The following CDH3 variants were observed in gnomAD, a reference collection of about 807,000 sequenced individuals.
The protein encoded by CDH3 is cadherin 3, also known as cadherin-3.
In CDH3, 54 loss-of-function variants were observed where a neutral mutation model predicts 82.0. That is an observed-to-expected ratio of 0.66 (90% CI 0.53 to 0.83). CDH3 has a LOEUF of 0.83. Among genes scored for constraint, CDH3 ranks in the 40% least tolerant of loss-of-function variants. The pLI, the probability that CDH3 is intolerant of heterozygous loss-of-function variation, is 0.00. For missense variants in CDH3, 1,054 were observed against 1,084.6 expected (o/e 0.97, Z 0.40); for synonymous variants, 446 against 437.9 (o/e 1.02, Z -0.23).
intron 2 of CDH3, chr16:68,651,477 T>C (rs1463640865): frequency 5.8e-6 from 3 of 516,222 alleles, no homozygotes; most frequent in Non-Finnish European, 1.2e-5. Context: ...CTGGCCGGCC[T>C]TCATGGTGTT....
chr16:68,698,271 C>A lies in CDH3; in HGVS notation c.2361C>A (p.Ser787=). The part of the protein sequence containing the change: ...LLVFDYEGSG[S]DAASLSSLTS... ...TGTTCGACTATGAGGGCAGCGGCTC[C>A]GACGCCGCGTCCCTGAGCTCCCTCA... is the stretch of plus-strand genomic sequence containing the variant. Residue 787 remains serine, a synonymous_variant, in exon 16 of 16, where the codon TCC becomes TCA. Transcript: ENST00000264012. The A allele has an allele frequency of 6.2e-7, 1 of 1,614,260 alleles. No individual in the cohort carries two copies. The highest frequency in any genetic ancestry group is 8.5e-7 in the Non-Finnish European group (1 of 1,180,034).
At chr16:68,729,827 G>C (rs532901343), downstream of CDH3, among the ~76,000 whole-genome samples, 99 of 151,926 alleles carry the variant, frequency 6.5e-4, no homozygotes, top group Non-Finnish European at 1.3e-3. Flanking sequence ...TACAGATGGG[G>C]TCTCCCTATG....
In CDH3 at chr16:68,678,712, C is replaced by G. The variant is rs749062682; in HGVS notation, c.547-50C>G. ...TCCCCTCAGAAGTGGGATCCTAGGC[C>G]TGGTGAGGTGGGTGGCACCGGGCTG... is the stretch of plus-strand genomic sequence containing the variant. On this transcript the variant is annotated intron_variant, in intron 5 of 15. Transcript: ENST00000264012. 14 of 1,613,988 alleles carry G rather than the reference C, an allele frequency of 8.7e-6. No homozygotes were observed. In the South Asian group the frequency reaches 1.2e-4, roughly 14 times the overall value.
chr16:68,646,044 CT>C (rs1960049638), intron 2 of CDH3: 1 of 452,914 alleles, frequency 2.2e-6, no homozygotes, highest in African/African-American at 2.0e-5. Flanking sequence ...GTGGGAAGTT[CT>C]CCCCCGCTGG....
At chr16:68,674,466 C>T (rs1960976246) in intron 2 of CDH3, among the ~76,000 whole-genome samples, 1 of 152,066 alleles carries the variant, frequency 6.6e-6, no homozygotes, top group Admixed American at 6.5e-5. Flanking sequence ...GGCATGGTGG[C>T]TCGTATCTGT....
At chr16:68,729,150 C>A (rs184011148), downstream of CDH3, among the ~76,000 whole-genome samples, 1 of 152,142 alleles carries the variant, frequency 6.6e-6, no homozygotes, top group East Asian at 1.9e-4. Flanking sequence ...ACTAAAAATA[C>A]AAAAATTAGC....
At chr16:68,701,156 T>C (rs1961887928), downstream of CDH3, among the ~76,000 whole-genome samples, 1 of 152,024 alleles carries the variant, frequency 6.6e-6, no homozygotes, top group Non-Finnish European at 1.5e-5. Context: ...CCCTGAGATA[T>C]TTGGAGGAAA....
chr16:68,731,387 AAAAAAAAAATATAT>A (rs1424761167), downstream of CDH3, among the ~76,000 whole-genome samples: 4 of 9,122 alleles, frequency 4.4e-4, 1 homozygote, highest in Non-Finnish European at 7.1e-4. Flanking sequence ...AAAAAAAAAA[AAAAAAAAAATATAT>A]ATATATATAT....
At chr16:68,690,433 AC>A (rs1056291649) in intron 12 of CDH3, among the ~76,000 whole-genome samples, 15 of 150,386 alleles carry the variant, frequency 1.0e-4, no homozygotes, top group African/African-American at 3.4e-4. Context: ...CCAGCCTGAC[AC>A]AAAATCCACC....
intron 1 of CDH3, among the ~76,000 whole-genome samples, chr16:68,705,708 C>T (rs1008795645): frequency 2.0e-5 from 3 of 151,486 alleles, no homozygotes; most frequent in South Asian, 4.2e-4. Flanking sequence ...AGGCGTGAGC[C>T]GCCGTGCCCA....
chr16:68,676,568 G>A (rs2152099183), intron 3 of CDH3, 98 bp downstream of exon 3: 2 of 898,794 alleles, frequency 2.2e-6, no homozygotes, highest in Non-Finnish European at 1.8e-6. Context: ...GCCATTGTGA[G>A]CCAAGTCAGC....
chr16:68,687,244 G>A (rs1287204062), intron 11 of CDH3, among the ~76,000 whole-genome samples: 2 of 152,188 alleles, frequency 1.3e-5, no homozygotes, highest in African/African-American at 4.8e-5. Context: ...GACAAACACT[G>A]GAGTAACCCT....
intron 2 of CDH3, among the ~76,000 whole-genome samples, chr16:68,666,914 C>A (rs1050825283): frequency 6.6e-6 from 1 of 151,540 alleles, no homozygotes; most frequent in Non-Finnish European, 1.5e-5. Context: ...GCTTTTTTTC[C>A]CTATTAAGCA....
intron 7 of CDH3, 61 bp downstream of exon 7, chr16:68,680,035 T>C (rs1961170757): frequency 6.6e-7 from 1 of 1,518,186 alleles, no homozygotes; most frequent in East Asian, 2.3e-5. Context: ...GAACTGACTC[T>C]GAGAGCAGAA....
chr16:68,713,546 C>A (rs1490985743), intron 1 of CDH3, among the ~76,000 whole-genome samples: 2 of 152,070 alleles, frequency 1.3e-5, no homozygotes, highest in African/African-American at 4.8e-5. Context: ...TTGCAGGAGC[C>A]TCCCAGCTGT....
At chr16:68,686,526 G>T (rs1961417612) in intron 11 of CDH3, 1 of 1,126,858 alleles carries the variant, frequency 8.9e-7, no homozygotes, top group Admixed American at 1.7e-5. Context: ...GTTGCTGTTG[G>T]ATCGGATTCT....
At chr16:68,725,251 T>C (rs1297384632) in intron 2 of CDH3, among the ~76,000 whole-genome samples, 1 of 152,060 alleles carries the variant, frequency 6.6e-6, no homozygotes, top group East Asian at 1.9e-4. Context: ...AAAAATCTTG[T>C]CCCCTGAGTA....
intron 15 of CDH3, 59 bp downstream of exon 15, chr16:68,695,982 C>T: frequency 6.3e-7 from 1 of 1,583,136 alleles, no homozygotes; most frequent in South Asian, 1.1e-5. Flanking sequence ...ACCAGCCACA[C>T]AGGAGAACAA....
intron 1 of CDH3, among the ~76,000 whole-genome samples, chr16:68,721,714 A>G (rs1161639071): frequency 6.6e-6 from 1 of 152,068 alleles, no homozygotes; most frequent in African/African-American, 2.4e-5. Flanking sequence ...ACACTGGTTA[A>G]CTCAGCTTAA....
Sources: allele counts gnomAD v4.1 joint callset (sites outside exome capture counted in the v4.1 genomes callset), GRCh38; gene constraint gnomAD v4.1.1; transcripts MANE v1.5; gene names NCBI Gene and HGNC (gene_info 2026-07-23, HGNC 2026-07-21).